PIAS2: variants seen among roughly 807,000 people sequenced by gnomAD.
PIAS2 encodes the protein protein inhibitor of activated STAT 2, also known as E3 SUMO-protein ligase PIAS2.
PIAS2 carries 19 observed loss-of-function variants against 69.7 expected under a neutral mutation model. The observed-to-expected ratio is 0.27, with a 90% CI of 0.19 to 0.40. PIAS2 has a LOEUF of 0.40. Ranked by LOEUF, PIAS2 falls within the 10% of genes least tolerant of loss-of-function variation. The pLI is 1.00. For missense variants in PIAS2, 624 were observed against 757.0 expected (o/e 0.82, Z 2.06); for synonymous variants, 261 against 263.2 (o/e 0.99, Z 0.08).
At chr18:46,878,353 AC>A (rs1031972590) in intron 2 of PIAS2, among the ~76,000 whole-genome samples, 5 of 152,188 alleles carry the variant, frequency 3.3e-5, no homozygotes, top group African/African-American at 1.2e-4. Context: ...TTTTTAAGAT[AC>A]CAAAATTTCA....
chr18:46,889,441 T>C (rs2053721692), intron 2 of PIAS2, among the ~76,000 whole-genome samples: 1 of 152,110 alleles, frequency 6.6e-6, no homozygotes, highest in African/African-American at 2.4e-5. Context: ...TATACATTTC[T>C]TGAAAGATAC....
Position 46,827,964 on chromosome 18 carries a change from G to T in PIAS2, c.1503C>A (p.Thr501=). The T allele has an allele frequency of 6.2e-7, 1 of 1,613,362 alleles. No homozygotes were observed. The highest frequency in any genetic ancestry group is 8.5e-7 in the Non-Finnish European group (1 of 1,179,596). ...IFMSETQSSP[T]KGVLMYQPSS... Reference sequence around the variant, plus strand: ...TGAACTATAAATTAACAAACCCTTTGGTTGGGCTGCTTTGTGTTTCTGACA... The same window carrying T: ...TGAACTATAAATTAACAAACCCTTTTGTTGGGCTGCTTTGTGTTTCTGACA... Residue 501 remains threonine (T), a synonymous_variant, in exon 11 of 14, where the codon ACC becomes ACA. Transcript: ENST00000585916.
At chr18:46,862,725 G>C (rs1430478439) in intron 3 of PIAS2, among the ~76,000 whole-genome samples, 1 of 151,880 alleles carries the variant, frequency 6.6e-6, no homozygotes, top group African/African-American at 2.4e-5. Flanking sequence ...ATTCTTTTGA[G>C]ATAGAGTTTC....
intron 1 of PIAS2, among the ~76,000 whole-genome samples, chr18:46,906,947 C>G (rs566822460): frequency 6.6e-6 from 1 of 152,124 alleles, no homozygotes; most frequent in East Asian, 1.9e-4. Flanking sequence ...AACTTAACAA[C>G]TGAATATAAT....
intron 12 of PIAS2, chr18:46,817,040 A>G (rs372886899): frequency 1.1e-6 from 1 of 940,384 alleles, no homozygotes; most frequent in African/African-American, 1.8e-5. Context: ...TTAAGTAAAA[A>G]AAGTTTATTG....
chr18:46,818,320 C>A, intron 12 of PIAS2: 1 of 1,438,810 alleles, frequency 7.0e-7, no homozygotes, highest in Non-Finnish European at 9.2e-7. Context: ...TCATATTTTT[C>A]CTTGAAATAA....
At chr18:46,895,234 A>G (rs2059082847) in intron 1 of PIAS2, among the ~76,000 whole-genome samples, 1 of 152,198 alleles carries the variant, frequency 6.6e-6, no homozygotes, top group South Asian at 2.1e-4. Flanking sequence ...TAATAAGGTT[A>G]GAAATCATGG....
chr18:46,840,482 T>C (rs1055734336), intron 8 of PIAS2, among the ~76,000 whole-genome samples: 7 of 152,248 alleles, frequency 4.6e-5, no homozygotes, highest in African/African-American at 1.7e-4. Context: ...GGCCACATTT[T>C]GCAAACTGCT....
intron 2 of PIAS2, among the ~76,000 whole-genome samples, chr18:46,872,696 C>T (rs558608603): frequency 5.3e-4 from 81 of 152,174 alleles, no homozygotes; most frequent in Non-Finnish European, 1.0e-3. Context: ...AAGGCCCGAA[C>T]GGGTCAAAGG....
chr18:46,900,935 T>C (rs1362717183), intron 1 of PIAS2: 5 of 299,630 alleles, frequency 1.7e-5, no homozygotes, highest in Admixed American at 5.0e-5. Flanking sequence ...CGTCGTGCCA[T>C]TGTACTCCAG....
intron 1 of PIAS2, among the ~76,000 whole-genome samples, chr18:46,911,523 T>C (rs1168664696): frequency 6.6e-6 from 1 of 152,070 alleles, no homozygotes; most frequent in Non-Finnish European, 1.5e-5. Flanking sequence ...GCTGACTTTG[T>C]TATATTTCCT....
At chr18:46,904,696 A>G (rs1332418793) in intron 1 of PIAS2, among the ~76,000 whole-genome samples, 9 of 151,396 alleles carry the variant, frequency 5.9e-5, no homozygotes, top group Middle Eastern at 3.4e-3. Context: ...GGTTGCAGTG[A>G]GCCGAGATCG....
intron 2 of PIAS2, among the ~76,000 whole-genome samples, chr18:46,887,313 CCACT>C (rs2053377040): frequency 6.6e-6 from 1 of 151,434 alleles, no homozygotes; most frequent in Non-Finnish European, 1.5e-5. Context: ...CATACTAACC[CCACT>C]AACTAGCTCT....
Position 46,804,769 on chromosome 18 carries a change from C to T in PIAS2, c.*7664G>A. 1.3e-5 allele frequency: 2 copies of T among 152,238 alleles called. 1 individual carries two copies. The highest frequency in any genetic ancestry group is 2.9e-5 in the Non-Finnish European group (2 of 68,052). 9.4% of individuals were successfully genotyped at this position (152,238 alleles called of 1,614,324 possible). A position where few individuals can be genotyped will look rare whatever the true frequency, so the allele number is the denominator to read the frequency against. ...TCCCTATTTCACACCTCTGTTGACG[C>T]TATTGGAGCACAACTTTGGTGGGGG... On this transcript the variant is annotated 3_prime_UTR_variant, in exon 14 of 14. Coordinates refer to ENST00000585916, the MANE Select transcript of PIAS2 (RefSeq NM_004671.5).
intron 1 of PIAS2, among the ~76,000 whole-genome samples, chr18:46,895,779 A>G (rs1197879547): frequency 6.6e-6 from 1 of 152,174 alleles, no homozygotes; most frequent in Non-Finnish European, 1.5e-5. Context: ...TGCCATACAT[A>G]AGAGGAACTA....
chr18:46,894,145 T>C (rs918692098), intron 1 of PIAS2, among the ~76,000 whole-genome samples: 4 of 152,048 alleles, frequency 2.6e-5, no homozygotes, highest in Non-Finnish European at 5.9e-5. Context: ...AAATCAAAAA[T>C]CCCTTTCCTT....
chr18:46,875,843 C>T (rs576993323), intron 2 of PIAS2, among the ~76,000 whole-genome samples: 5 of 152,188 alleles, frequency 3.3e-5, no homozygotes, highest in African/African-American at 1.2e-4. Context: ...GTCCTCCAGC[C>T]GACCAGGCAT....
At chr18:46,883,402 T>A (rs1056087404) in intron 2 of PIAS2, among the ~76,000 whole-genome samples, 1 of 151,904 alleles carries the variant, frequency 6.6e-6, no homozygotes, top group African/African-American at 2.4e-5. Flanking sequence ...AGAATACATA[T>A]AAGAATATAA....
At chr18:46,851,679 A>T (rs1200465515) in intron 5 of PIAS2, among the ~76,000 whole-genome samples, 2 of 152,218 alleles carry the variant, frequency 1.3e-5, no homozygotes, top group Non-Finnish European at 2.9e-5. Flanking sequence ...CAGCATCTTG[A>T]TGTAGGTTAA....
Sources: allele counts gnomAD v4.1 joint callset (sites outside exome capture counted in the v4.1 genomes callset), GRCh38; gene constraint gnomAD v4.1.1; transcripts MANE v1.5; gene names NCBI Gene and HGNC (gene_info 2026-07-23, HGNC 2026-07-21).